MYO3A: variants seen among roughly 807,000 people sequenced by gnomAD.
The protein encoded by MYO3A is myosin-IIIa.
A neutral mutation model predicts 192.7 loss-of-function variants in MYO3A; 180 were observed. The ratio of observed to expected loss-of-function variants is 0.93; its 90% CI spans 0.83 to 1.06. MYO3A has a LOEUF of 1.06. Among genes scored for constraint, MYO3A ranks in the 50% least tolerant of loss-of-function variants. The probability of loss-of-function intolerance (pLI) is 0.00; values close to 1 mark genes in which losing one functional copy is unlikely to be tolerated. For missense variants in MYO3A, 1,896 were observed against 1,905.0 expected, an observed-to-expected ratio of 1.00 and a Z score of 0.09; for synonymous variants, 628 against 645.3, an observed-to-expected ratio of 0.97 and a Z score of 0.41.
intron 14 of MYO3A, among the ~76,000 whole-genome samples, chr10:26,083,840 A>G (rs1046231871): frequency 6.6e-6 from 1 of 152,196 alleles, no homozygotes; most frequent in Non-Finnish European, 1.5e-5. Flanking sequence ...TTGCTTTTCT[A>G]TTGCCTAAGA....
intron 19 of MYO3A, among the ~76,000 whole-genome samples, chr10:26,127,765 A>G (rs1839302567): frequency 6.6e-6 from 1 of 152,008 alleles, no homozygotes; most frequent in East Asian, 1.9e-4. Flanking sequence ...GTAAAAAAAA[A>G]AAAAAGTATT....
chr10:26,157,421 C>G lies in MYO3A; in HGVS notation c.2905C>G (p.Leu969Val), dbSNP rs1841205892. 1 of 1,614,134 alleles carries G rather than the reference C, an allele frequency of 6.2e-7. No individual in the cohort carries two copies. Among genetic ancestry groups the G allele is most frequent in the Non-Finnish European group, 8.5e-7 (1 of 1,180,002 alleles). ...QARKYDKEKV[L>V]LQLRYTGILE... is the part of the protein sequence containing the mutation. ...AAGAAAATATGACAAAGAGAAAGTT[C>G]TGCTACAGCTTCGGTACACAGGAAT... Residue 969 changes from leucine to valine, a missense_variant, in exon 26 of 35, where the codon CTG (leucine) becomes GTG (valine). Coordinates refer to ENST00000642920, the MANE Select transcript of MYO3A (RefSeq NM_017433.5).
rs75767216 is a variant in MYO3A at position 26,203,863 on chromosome 10, G to C, written c.4730+756G>C. Among the ~76,000 whole-genome samples, 431 of 152,276 alleles carry C rather than the reference G, an allele frequency of 2.8e-3. 3 individuals carry two copies. The highest frequency in any genetic ancestry group is 9.9e-3 in the African/African-American group (412 of 41,558). ...AAGAAAAGAAGTTTTAGAGTCACAT[G>C]GTCTTAGGTTTGGATCCTGATCCTG... On this transcript the variant is annotated intron_variant, in intron 34 of 34. Transcript: ENST00000642920.
intron 14 of MYO3A, among the ~76,000 whole-genome samples, chr10:26,078,315 T>G (rs1228276344): frequency 6.6e-6 from 1 of 152,036 alleles, no homozygotes; most frequent in African/African-American, 2.4e-5. Context: ...CCTTGAGTGA[T>G]CTTTTGTATT....
chr10:26,155,798 C>T (rs1007789837), intron 25 of MYO3A, among the ~76,000 whole-genome samples: 27 of 152,228 alleles, frequency 1.8e-4, no homozygotes, highest in Admixed American at 6.5e-4. Context: ...AATCACTGAA[C>T]GTATTTACAG....
chr10:26,092,423 G>C (rs1169244997), intron 15 of MYO3A, among the ~76,000 whole-genome samples: 1 of 150,868 alleles, frequency 6.6e-6, no homozygotes, highest in Non-Finnish European at 1.5e-5. Flanking sequence ...CCAAGATCGT[G>C]CCACTGCACT....
Position 26,152,159 on chromosome 10 carries a change from T to TTTA in MYO3A, c.2636-1690_2636-1689insTAT, listed in dbSNP as rs371977640. On this transcript the variant is annotated intron_variant, in intron 23 of 34. Transcript: ENST00000642920. Reference sequence around the variant, plus strand: ...GGTTGGCCAGGGAGAAGAGAAGAACTTAATAGTCAAGTATGTTTCAATAAA... The same window carrying TTTA: ...GGTTGGCCAGGGAGAAGAGAAGAACTTTATAATAGTCAAGTATGTTTCAATAAA... Among the ~76,000 whole-genome samples the TTTA allele has an allele frequency of 6.2e-4, 94 of 152,286 alleles. No homozygotes were observed. The Middle Eastern group carries it at 0.02, about 33-fold the overall frequency.
chr10:26,018,929 A>G (rs142652020), intron 7 of MYO3A, among the ~76,000 whole-genome samples: 186 of 152,350 alleles, frequency 1.2e-3, no homozygotes, highest in African/African-American at 4.1e-3. Flanking sequence ...ACAAAGTTAT[A>G]TTAGACAACA....
chr10:26,183,251 G>A (rs1226608478), intron 31 of MYO3A, among the ~76,000 whole-genome samples: 4 of 152,302 alleles, frequency 2.6e-5, no homozygotes, highest in African/African-American at 4.8e-5. Context: ...TCGGCTGGGC[G>A]TGGTGGCTCA....
intron 32 of MYO3A, among the ~76,000 whole-genome samples, chr10:26,194,497 C>T (rs1843310201): frequency 6.6e-6 from 1 of 152,182 alleles, no homozygotes; most frequent in African/African-American, 2.4e-5. Context: ...TTCCACTCCC[C>T]ACTGCCACAG....
At chr10:26,173,432 C>T (rs905717613) in intron 29 of MYO3A, among the ~76,000 whole-genome samples, 8 of 152,160 alleles carry the variant, frequency 5.3e-5, no homozygotes, top group African/African-American at 1.4e-4. Context: ...TAGGATATTT[C>T]TCACTCCGAG....
chr10:26,166,184 G>C lies in MYO3A; in HGVS notation c.3111+6G>C. On this transcript the variant is annotated splice_donor_region_variant and intron_variant, in intron 27 of 34. Transcript: ENST00000642920. The stretch of plus-strand genomic sequence containing the variant: ...GGGCTCTTGGAAAAACAAAAGTAAT[G>C]TTTTCATGTAATTTTCAGGAAAATA... The C allele has an allele frequency of 6.3e-7, 1 of 1,589,132 alleles. No homozygotes were observed. Among genetic ancestry groups the C allele is most frequent in the South Asian group, 1.1e-5 (1 of 90,544 alleles).
intron 10 of MYO3A, among the ~76,000 whole-genome samples, chr10:26,041,589 CTA>C (rs1843351199): frequency 6.6e-6 from 1 of 151,788 alleles, no homozygotes; most frequent in African/African-American, 2.4e-5. Flanking sequence ...TGTATAACTG[CTA>C]TATGTTTTCT....
At chr10:26,037,978 T>C (rs1843130498) in intron 10 of MYO3A, among the ~76,000 whole-genome samples, 1 of 152,194 alleles carries the variant, frequency 6.6e-6, no homozygotes, top group African/African-American at 2.4e-5. Context: ...CACAGAGCCA[T>C]ATCAGCACCT....
At chr10:25,988,939 C>CTTTTTTTTTTTTT (rs56308717) in intron 4 of MYO3A, among the ~76,000 whole-genome samples, 10 of 116,994 alleles carry the variant, frequency 8.5e-5, no homozygotes, top group African/African-American at 1.6e-4. Context: ...CCCTAAAACT[C>CTTTTTTTTTTTTT]TTTTTTTTTT....
chr10:26,112,445 G>A (rs773165572), intron 17 of MYO3A, among the ~76,000 whole-genome samples: 7 of 152,114 alleles, frequency 4.6e-5, no homozygotes, highest in Non-Finnish European at 1.0e-4. Context: ...GGCTTTCTTG[G>A]ATATGTTGTT....
chr10:25,958,455 T>A (rs945593060), intron 4 of MYO3A, among the ~76,000 whole-genome samples: 3 of 152,220 alleles, frequency 2.0e-5, no homozygotes, highest in Non-Finnish European at 4.4e-5. Flanking sequence ...TCCATGTATC[T>A]GTTTTTGAAA....
chr10:26,075,589 TG>T (rs1835483049), intron 14 of MYO3A, among the ~76,000 whole-genome samples: 7 of 134,170 alleles, frequency 5.2e-5, no homozygotes, highest in Non-Finnish European at 9.7e-5. Context: ...TATATATATA[TG>T]ATATATATAT....
intron 2 of MYO3A, among the ~76,000 whole-genome samples, chr10:25,949,383 T>G (rs1186101483): frequency 6.6e-6 from 1 of 152,142 alleles, no homozygotes; most frequent in African/African-American, 2.4e-5. Context: ...ATGTTTCTGT[T>G]GGTTGACAAC....
Sources: allele counts gnomAD v4.1 joint callset (sites outside exome capture counted in the v4.1 genomes callset), GRCh38; gene constraint gnomAD v4.1.1; transcripts MANE v1.5; gene names NCBI Gene and HGNC (gene_info 2026-07-23, HGNC 2026-07-21).